Variants in SPAG16 observed in about 807,000 individuals in gnomAD.
SPAG16 encodes sperm-associated antigen 16 protein.
In SPAG16, 86 loss-of-function variants were observed where a neutral mutation model predicts 80.4. The ratio of observed to expected loss-of-function variants is 1.07; its 90% CI spans 0.90 to 1.28. SPAG16 has a LOEUF of 1.28. SPAG16 is among the 50% of genes most tolerant of loss of function. SPAG16 has a pLI of 0.00. For missense variants in SPAG16, 870 were observed against 765.3 expected, an observed-to-expected ratio of 1.14 and a Z score of -1.61; for synonymous variants, 294 against 265.9, an observed-to-expected ratio of 1.11 and a Z score of -1.03.
At chr2:213,489,665 A>G (rs923478436) in intron 9 of SPAG16, among the ~76,000 whole-genome samples, 11 of 152,152 alleles carry the variant, frequency 7.2e-5, no homozygotes, top group Non-Finnish European at 1.5e-4. Context: ...TTAACCAATA[A>G]TATATGACAA....
intron 12 of SPAG16, among the ~76,000 whole-genome samples, chr2:213,940,839 CT>C (rs1465391573): frequency 6.6e-6 from 1 of 152,118 alleles, no homozygotes; most frequent in Non-Finnish European, 1.5e-5. Context: ...CTTCTTACCC[CT>C]AACTCTTATT....
At chr2:213,415,072 G>A (rs924663091) in intron 9 of SPAG16, among the ~76,000 whole-genome samples, 1 of 152,202 alleles carries the variant, frequency 6.6e-6, no homozygotes, top group Non-Finnish European at 1.5e-5. Context: ...CCCACAACAC[G>A]TGGGAATTAC....
intron 11 of SPAG16, among the ~76,000 whole-genome samples, chr2:213,911,384 A>C (rs1294003153): frequency 1.3e-5 from 2 of 152,248 alleles, no homozygotes; most frequent in South Asian, 4.1e-4. Flanking sequence ...AGCTCAAGCA[A>C]TCTCCCTGCC....
chr2:213,307,911 G>A (rs868637719), intron 3 of SPAG16, among the ~76,000 whole-genome samples: 3 of 152,102 alleles, frequency 2.0e-5, no homozygotes, highest in Non-Finnish European at 2.9e-5. Context: ...AATTTTTGGG[G>A]CAGCAAAGAT....
At chr2:213,876,196 C>G (rs2106006221) in intron 11 of SPAG16, among the ~76,000 whole-genome samples, 1 of 151,276 alleles carries the variant, frequency 6.6e-6, no homozygotes, top group East Asian at 1.9e-4. Context: ...ATGACAAAAC[C>G]TGCATTTGAA....
At chr2:213,361,927 T>C (rs2066002544) in intron 7 of SPAG16, among the ~76,000 whole-genome samples, 1 of 151,950 alleles carries the variant, frequency 6.6e-6, no homozygotes, top group Non-Finnish European at 1.5e-5. Context: ...AGAGAGCAAG[T>C]AAGGGAGACT....
At chr2:213,304,744 A>G (rs1202421172) in intron 3 of SPAG16, among the ~76,000 whole-genome samples, 1 of 152,088 alleles carries the variant, frequency 6.6e-6, no homozygotes, top group Non-Finnish European at 1.5e-5. Flanking sequence ...ATCTGTTTTT[A>G]TACTAGTACC....
At chr2:213,931,409 A>G (rs931216599) in intron 12 of SPAG16, among the ~76,000 whole-genome samples, 2 of 152,206 alleles carry the variant, frequency 1.3e-5, no homozygotes, top group Non-Finnish European at 2.9e-5. Context: ...GGAATATCCA[A>G]TCATTTATAA....
At chr2:213,799,994 C>G (rs1445289237) in intron 10 of SPAG16, among the ~76,000 whole-genome samples, 1 of 150,420 alleles carries the variant, frequency 6.6e-6, no homozygotes, top group Non-Finnish European at 1.5e-5. Flanking sequence ...CTGTTTTCAG[C>G]TCTCACACTG....
intron 9 of SPAG16, among the ~76,000 whole-genome samples, chr2:213,425,900 C>T (rs756775786): frequency 1.3e-5 from 2 of 152,116 alleles, no homozygotes; most frequent in Non-Finnish European, 2.9e-5. Flanking sequence ...ATAGCTGATA[C>T]TAAGCTTGGG....
chr2:213,799,426 A>G (rs188671847), intron 10 of SPAG16, among the ~76,000 whole-genome samples: 7 of 152,268 alleles, frequency 4.6e-5, no homozygotes, highest in Non-Finnish European at 8.8e-5. Flanking sequence ...TTTTAATCCT[A>G]TGACATTGCT....
chr2:214,110,192 A>G (rs2053593704), intron 14 of SPAG16, among the ~76,000 whole-genome samples: 1 of 152,086 alleles, frequency 6.6e-6, no homozygotes, highest in East Asian at 1.9e-4. Context: ...CACAACATGC[A>G]GGTTTGTTAC....
chr2:214,007,227 A>C (rs2047068574), intron 12 of SPAG16, among the ~76,000 whole-genome samples: 1 of 152,114 alleles, frequency 6.6e-6, no homozygotes, highest in Non-Finnish European at 1.5e-5. Flanking sequence ...TAGTCTAATT[A>C]ATGGAAGATT....
intron 9 of SPAG16, among the ~76,000 whole-genome samples, chr2:213,457,498 T>A (rs1230946867): frequency 6.6e-6 from 1 of 152,252 alleles, no homozygotes; most frequent in Non-Finnish European, 1.5e-5. Context: ...TTTAAACGTT[T>A]GAGGTTTATA....
chr2:214,322,599 G>C (rs944125136), intron 15 of SPAG16, among the ~76,000 whole-genome samples: 1 of 151,588 alleles, frequency 6.6e-6, no homozygotes. Context: ...ATAAAGTTGG[G>C]GTATATTTTA....
chr2:213,851,162 G>A (rs1236862246), intron 10 of SPAG16, among the ~76,000 whole-genome samples: 1 of 152,088 alleles, frequency 6.6e-6, no homozygotes, highest in Non-Finnish European at 1.5e-5. Flanking sequence ...GTTTTACATT[G>A]GACGAGAAAG....
intron 10 of SPAG16, among the ~76,000 whole-genome samples, chr2:213,548,646 T>C (rs945018757): frequency 2.0e-5 from 3 of 152,214 alleles, no homozygotes; most frequent in Non-Finnish European, 4.4e-5. Flanking sequence ...CTATTTGTGC[T>C]TTCTGTTCTG....
chr2:213,742,526 C>T (rs2067602318), intron 10 of SPAG16, among the ~76,000 whole-genome samples: 1 of 150,184 alleles, frequency 6.7e-6, no homozygotes, highest in Non-Finnish European at 1.5e-5. Flanking sequence ...CTTGATCCCT[C>T]CTGTCTTATT....
chr2:213,323,791 A>G (rs969603522), intron 5 of SPAG16, among the ~76,000 whole-genome samples: 2 of 152,188 alleles, frequency 1.3e-5, no homozygotes, highest in African/African-American at 4.8e-5. Context: ...AATACTACTC[A>G]TCCTTTAAAA....
Sources: allele counts gnomAD v4.1 joint callset (sites outside exome capture counted in the v4.1 genomes callset), GRCh38; gene constraint gnomAD v4.1.1; transcripts MANE v1.5; gene names NCBI Gene and HGNC (gene_info 2026-07-23, HGNC 2026-07-21).